Variants in VAV3 observed in about 807,000 individuals in gnomAD.
The protein encoded by VAV3 is vav guanine nucleotide exchange factor 3.
Under a neutral mutation model 131.2 loss-of-function variants are expected in VAV3, and 94 were observed. That is an observed-to-expected ratio of 0.72 (90% CI 0.61 to 0.85). The LOEUF (loss-of-function observed/expected upper bound fraction) is 0.85, where lower values mean the gene tolerates loss of function less well. Ranked by LOEUF, VAV3 falls within the 40% of genes least tolerant of loss-of-function variation. The probability of loss-of-function intolerance (pLI) is 0.00; values close to 1 mark genes in which losing one functional copy is unlikely to be tolerated. For synonymous variants in VAV3, 349 were observed against 342.0 expected (o/e 1.02, Z -0.22); for missense variants, 939 against 1,002.7 (o/e 0.94, Z 0.86).
At chr1:107,821,010 G>GTC (rs1432730457) in intron 2 of VAV3, 1 of 152,100 alleles carries the variant, frequency 6.6e-6, no homozygotes, top group Non-Finnish European at 1.5e-5. Flanking sequence ...CATATATTGA[G>GTC]AGGTACCTCT....
chr1:107,740,496 A>G (rs1305636897), intron 15 of VAV3, among the ~76,000 whole-genome samples: 1 of 152,188 alleles, frequency 6.6e-6, no homozygotes, highest in Non-Finnish European at 1.5e-5. Flanking sequence ...AATAATAATG[A>G]CAAATATAGA....
At chr1:107,677,645 C>T (rs1658303749) in intron 19 of VAV3, among the ~76,000 whole-genome samples, 1 of 152,158 alleles carries the variant, frequency 6.6e-6, no homozygotes, top group Admixed American at 6.5e-5. Flanking sequence ...TAGATATATA[C>T]TTTATCTTCT....
chr1:107,579,666 T>A (rs57184485), intron 25 of VAV3, among the ~76,000 whole-genome samples: 20,652 of 152,242 alleles, frequency 0.14, 1,495 homozygotes, highest in Non-Finnish European at 0.16. Context: ...TCTCTTCTGT[T>A]CTAAATACTG....
intron 1 of VAV3, among the ~76,000 whole-genome samples, chr1:107,930,630 A>T (rs1673385824): frequency 6.6e-6 from 1 of 152,184 alleles, no homozygotes; most frequent in Admixed American, 6.5e-5. Flanking sequence ...AACTAATGAC[A>T]TTTTTTTAAC....
At chr1:107,677,580 A>C (rs1461931674) in intron 19 of VAV3, among the ~76,000 whole-genome samples, 1 of 152,200 alleles carries the variant, frequency 6.6e-6, no homozygotes, top group Non-Finnish European at 1.5e-5. Context: ...TAAATGTTCG[A>C]AGTAGCTCAC....
In VAV3 at chr1:107,721,188, G is replaced by A. The variant is rs11185170; in HGVS notation, c.1503-16127C>T. 1.9e-3 allele frequency among the ~76,000 whole-genome samples: 287 copies of A among 152,208 alleles called. 2 individuals are homozygous for A. The highest frequency in any genetic ancestry group is 6.6e-3 in the African/African-American group (273 of 41,556). On this transcript the variant is annotated intron_variant, in intron 15 of 26. Coordinates refer to ENST00000370056, the MANE Select transcript of VAV3 (RefSeq NM_006113.5). ...GGGCATGAGAAAACGTGAAGTTAAC[G>A]GAATTCAAATAGATTTGGACAGCTA... is the stretch of plus-strand genomic sequence containing the variant.
intron 15 of VAV3, among the ~76,000 whole-genome samples, chr1:107,711,875 G>A (rs951575729): frequency 2.6e-5 from 4 of 151,894 alleles, no homozygotes; most frequent in Non-Finnish European, 4.4e-5. Flanking sequence ...TAATAGAGAC[G>A]GGGTTTCACC....
intron 19 of VAV3, among the ~76,000 whole-genome samples, chr1:107,659,781 T>C (rs1199237190): frequency 6.6e-6 from 1 of 152,164 alleles, no homozygotes. Flanking sequence ...CTTCTTTTTA[T>C]ACATGAGTTA....
chr1:107,704,594 T>C lies in VAV3; in HGVS notation c.1661A>G (p.Glu554Gly). ...ACAATTGTCTACTCTTCCCAAACAT[T>C]CTTTGTGTGCTCTCGCTCCACACTT... is the stretch of plus-strand genomic sequence containing the variant. ...CFKCGARAHK[E>G]CLGRVDNCGR... The change falls in exon 17 of 27, where the codon GAA becomes GGA. Residue 554 changes from glutamate to glycine, a missense_variant. Glu to Gly is a moderately conservative substitution (Grantham distance 98). Transcript: ENST00000370056. 6.2e-7 allele frequency: 1 copy of C among 1,614,028 alleles called. No homozygotes were observed.
chr1:107,730,060 C>A (rs1662124148), intron 15 of VAV3, among the ~76,000 whole-genome samples: 1 of 152,124 alleles, frequency 6.6e-6, no homozygotes, highest in Admixed American at 6.5e-5. Context: ...TTTGAACTCC[C>A]AAACTTCAGT....
intron 20 of VAV3, among the ~76,000 whole-genome samples, chr1:107,619,312 C>T (rs532177782): frequency 5.4e-4 from 82 of 152,180 alleles, no homozygotes; most frequent in African/African-American, 1.9e-3. Context: ...CAGAAAGAAA[C>T]GATCAGGAGA....
chr1:107,670,035 T>C (rs1262014475), intron 19 of VAV3, among the ~76,000 whole-genome samples: 1 of 152,202 alleles, frequency 6.6e-6, no homozygotes, highest in Non-Finnish European at 1.5e-5. Context: ...GATTAATACA[T>C]TATATCATTT....
At position 107,688,810 on chromosome 1, in the gene VAV3, A is replaced by C. The variant is rs564652058; in HGVS notation, c.1706-404T>G. Among the ~76,000 whole-genome samples the C allele has an allele frequency of 3.3e-5, 5 of 152,318 alleles. No individual in the cohort carries two copies. The South Asian group carries it at 8.3e-4, about 25-fold the overall frequency. ...AACACTAAGCTAACAAAGGTACTGC[A>C]TTGACGATTTGTAACAATAGCAAAT... On this transcript the variant is annotated intron_variant, in intron 17 of 26. Coordinates refer to ENST00000370056, the MANE Select transcript of VAV3 (RefSeq NM_006113.5).
intron 22 of VAV3, chr1:107,609,311 A>G (rs936042501): frequency 6.6e-6 from 1 of 152,162 alleles, no homozygotes; most frequent in Non-Finnish European, 1.5e-5. Context: ...TGTTAATGAT[A>G]CTTTCAGCCT....
chr1:107,685,019 T>C (rs541410988), intron 18 of VAV3, among the ~76,000 whole-genome samples: 3 of 152,264 alleles, frequency 2.0e-5, no homozygotes, highest in African/African-American at 7.2e-5. Context: ...ATAGAAGCTG[T>C]CTTTCTACTG....
At chr1:107,646,907 T>C (rs777428681) in intron 19 of VAV3, among the ~76,000 whole-genome samples, 16 of 151,786 alleles carry the variant, frequency 1.1e-4, no homozygotes, top group Non-Finnish European at 2.4e-4. Context: ...TGAAACAAAA[T>C]TTCCTTTCAA....
At chr1:107,900,341 G>A (rs1490388221) in intron 1 of VAV3, among the ~76,000 whole-genome samples, 9 of 152,156 alleles carry the variant, frequency 5.9e-5, no homozygotes, top group Admixed American at 5.9e-4. Flanking sequence ...ACCACTGCAT[G>A]CAAATTTGAT....
chr1:107,614,786 G>A (rs1653017649), intron 21 of VAV3, among the ~76,000 whole-genome samples: 1 of 152,088 alleles, frequency 6.6e-6, no homozygotes, highest in Non-Finnish European at 1.5e-5. Flanking sequence ...CCTACTTTGT[G>A]CGAGACTATC....
chr1:107,916,553 C>T (rs929472503), intron 1 of VAV3, among the ~76,000 whole-genome samples: 1 of 152,078 alleles, frequency 6.6e-6, no homozygotes, highest in African/African-American at 2.4e-5. Flanking sequence ...CTTTAAAATA[C>T]CTATCAAGTA....
Sources: gnomAD v4.1 joint callset for allele counts (sites outside exome capture counted in the v4.1 genomes callset) on GRCh38, gnomAD v4.1.1 for gene constraint, MANE v1.5 for transcripts, NCBI Gene and HGNC (gene_info 2026-07-23, HGNC 2026-07-21) for gene names.